CLNK: variants seen among roughly 807,000 people sequenced by gnomAD.
CLNK encodes cytokine-dependent hematopoietic cell linker.
Under a neutral mutation model 68.6 loss-of-function variants are expected in CLNK, and 74 were observed. The observed-to-expected ratio is 1.08, with a 90% confidence interval of 0.89 to 1.31. The LOEUF is 1.31. Among genes scored for constraint, CLNK ranks in the 50% most tolerant of loss-of-function variants. The pLI is 0.00. For missense variants in CLNK, 553 were observed against 515.3 expected (o/e 1.07, Z -0.71); for synonymous variants, 198 against 172.2 (o/e 1.15, Z -1.17).
chr4:10,606,770 A>ATATATC lies in CLNK; in HGVS notation c.12-8727_12-8722dup, dbSNP rs532513626. Among the ~76,000 whole-genome samples the ATATATC allele has an allele frequency of 2.8e-3, 426 of 152,268 alleles. 1 individual carries two copies. Among genetic ancestry groups the ATATATC allele is most frequent in the African/African-American group, 6.9e-3 (286 of 41,544 alleles). The stretch of plus-strand genomic sequence containing the variant: ...TGTTATATGGTGCATGACTGTATCT[A>ATATATC]TATATCTATATCTATATCTATATAT... On this transcript the variant is annotated intron_variant, in intron 2 of 18. Coordinates refer to ENST00000226951, the MANE Select transcript of CLNK (RefSeq NM_052964.4).
At chr4:10,712,279 T>C in the CLNK span, among the ~76,000 whole-genome samples, 1 of 152,158 alleles carries the variant, frequency 6.6e-6, no homozygotes, top group South Asian at 2.1e-4. Flanking sequence ...AGAATTTTGC[T>C]TAAGTCCCCT....
At chr4:10,696,887 A>G in the CLNK span, among the ~76,000 whole-genome samples, 3 of 152,218 alleles carry the variant, frequency 2.0e-5, no homozygotes, top group Non-Finnish European at 4.4e-5. Context: ...TTTGTTAAAA[A>G]TGCAGATTCC....
chr4:10,590,559 G>C (rs1161410812), intron 3 of CLNK, among the ~76,000 whole-genome samples: 1 of 152,146 alleles, frequency 6.6e-6, no homozygotes, highest in African/African-American at 2.4e-5. Flanking sequence ...GAAAAGATCA[G>C]GGTGATTTCA....
intron 4 of CLNK, among the ~76,000 whole-genome samples, chr4:10,579,286 C>T (rs1212726877): frequency 1.3e-5 from 2 of 152,062 alleles, no homozygotes; most frequent in Admixed American, 1.3e-4. Context: ...AATCTACTTT[C>T]TTGCATTCCT....
intron 2 of CLNK, among the ~76,000 whole-genome samples, chr4:10,601,914 C>A (rs1009261905): frequency 5.3e-5 from 8 of 152,220 alleles, no homozygotes; most frequent in Non-Finnish European, 1.0e-4. Flanking sequence ...CTGAGCACAT[C>A]CTGGGAAAGC....
chr4:10,639,085 A>G (rs967083449), intron 2 of CLNK, among the ~76,000 whole-genome samples: 4 of 152,300 alleles, frequency 2.6e-5, no homozygotes, highest in African/African-American at 9.6e-5. Context: ...ACATCTTTTA[A>G]GACCCCAAAT....
At chr4:10,553,926 G>A (rs1719563504) in intron 8 of CLNK, among the ~76,000 whole-genome samples, 1 of 152,224 alleles carries the variant, frequency 6.6e-6, no homozygotes, top group Non-Finnish European at 1.5e-5. Context: ...AGCTGGGGCT[G>A]CTTAAAGGTA....
chr4:10,532,213 C>A, intron 12 of CLNK, 43 bp downstream of exon 12: 1 of 1,538,260 alleles, frequency 6.5e-7, no homozygotes, highest in South Asian at 1.1e-5. Context: ...TTTAATGCCT[C>A]AAAATTCCCT....
chr4:10,629,940 C>T (rs1291242764), intron 2 of CLNK, among the ~76,000 whole-genome samples: 2 of 152,178 alleles, frequency 1.3e-5, no homozygotes, highest in African/African-American at 2.4e-5. Context: ...AATTTCTTCT[C>T]TCTCCTCAGT....
At chr4:10,541,211 CAAA>C (rs762227935) in intron 10 of CLNK, among the ~76,000 whole-genome samples, 4 of 47,566 alleles carry the variant, frequency 8.4e-5, no homozygotes, top group Admixed American at 2.4e-4. Context: ...CAGACTGTCT[CAAA>C]AAAAAAACAA....
intron 3 of CLNK, among the ~76,000 whole-genome samples, chr4:10,597,452 G>A (rs1246510060): frequency 1.3e-5 from 2 of 152,200 alleles, no homozygotes; most frequent in African/African-American, 4.8e-5. Context: ...ACTAGTCTGC[G>A]AGCTCCTTGA....
intron 18 of CLNK, among the ~76,000 whole-genome samples, chr4:10,500,093 A>G (rs1003639192): frequency 5.9e-5 from 9 of 152,220 alleles, no homozygotes; most frequent in African/African-American, 2.2e-4. Flanking sequence ...GAATCATTAA[A>G]TTATTGAAGT....
At chr4:10,702,370 G>A in the CLNK span, among the ~76,000 whole-genome samples, 1 of 152,006 alleles carries the variant, frequency 6.6e-6, no homozygotes. Flanking sequence ...TGAGGACTAT[G>A]GCCAGTTTAG....
intron 4 of CLNK, among the ~76,000 whole-genome samples, chr4:10,581,827 C>T (rs1720795633): frequency 6.6e-6 from 1 of 151,976 alleles, no homozygotes; most frequent in African/African-American, 2.4e-5. Flanking sequence ...CATTTGTTAT[C>T]TAGAGAATAG....
intron 1 of CLNK, among the ~76,000 whole-genome samples, chr4:10,678,274 T>C (rs1312513759): frequency 6.6e-6 from 1 of 152,204 alleles, no homozygotes; most frequent in Non-Finnish European, 1.5e-5. Context: ...CATCCTTCTT[T>C]GCTCATAGGA....
chr4:10,543,665 A>G (rs1719122419), intron 8 of CLNK, among the ~76,000 whole-genome samples: 1 of 152,214 alleles, frequency 6.6e-6, no homozygotes, highest in African/African-American at 2.4e-5. Flanking sequence ...ACACAACACA[A>G]TGCAACACAG....
intron 2 of CLNK, among the ~76,000 whole-genome samples, chr4:10,612,086 T>C (rs1283171059): frequency 6.6e-6 from 1 of 152,250 alleles, no homozygotes; most frequent in Admixed American, 6.5e-5. Flanking sequence ...ATGGGATTCA[T>C]GCTTTCTTGT....
rs563578542 is a variant in CLNK, at chr4:10,547,169, G to A, written c.446-4889C>T. On this transcript the variant is annotated intron_variant, in intron 8 of 18. Coordinates refer to ENST00000226951, the MANE Select transcript of CLNK (RefSeq NM_052964.4). ...ATTTGGAAGGGACACTTGAATTATA[G>A]CAGGTGGGATGAGCACGAGGAGGAG... Among the ~76,000 whole-genome samples, 12 of 152,296 alleles carry A rather than the reference G, an allele frequency of 7.9e-5. No individual in the cohort carries two copies. In the South Asian group the frequency reaches 1.7e-3, roughly 21 times the overall value.
At chr4:10,722,776 G>T in the CLNK span, among the ~76,000 whole-genome samples, 1 of 152,206 alleles carries the variant, frequency 6.6e-6, no homozygotes, top group Non-Finnish European at 1.5e-5. Flanking sequence ...ACGGCAGGGC[G>T]TGGTGGCTCA....
Sources: allele counts gnomAD v4.1 joint callset (sites outside exome capture counted in the v4.1 genomes callset), GRCh38; gene constraint gnomAD v4.1.1; transcripts MANE v1.5; gene names NCBI Gene and HGNC (gene_info 2026-07-23, HGNC 2026-07-21).